The following CTNNA3 variants were observed in gnomAD, a reference collection of about 807,000 sequenced individuals.
CTNNA3 encodes the protein catenin alpha-3.
In CTNNA3, 76 loss-of-function variants were observed where a neutral mutation model predicts 95.7. The observed-to-expected ratio is 0.79, with a 90% confidence interval of 0.66 to 0.96. The LOEUF (loss-of-function observed/expected upper bound fraction) is 0.96. CTNNA3 is among the 40% of genes least tolerant of loss of function. CTNNA3 has a pLI of 0.00. For synonymous variants in CTNNA3, 431 were observed against 374.4 expected (o/e 1.15, Z -1.74); for missense variants, 1,191 against 1,089.8 (o/e 1.09, Z -1.31).
At chr10:66,017,017 A>T (rs2079107531) in intron 15 of CTNNA3, among the ~76,000 whole-genome samples, 1 of 152,114 alleles carries the variant, frequency 6.6e-6, no homozygotes, top group African/African-American at 2.4e-5. Flanking sequence ...TCAATCTAAC[A>T]ATATGGAACT....
At chr10:67,149,705 A>G (rs1342116904) in intron 7 of CTNNA3, among the ~76,000 whole-genome samples, 1 of 152,222 alleles carries the variant, frequency 6.6e-6, no homozygotes, top group South Asian at 2.1e-4. Context: ...AGTAAATGCT[A>G]GAGTCTAGAA....
chr10:67,603,198 G>A (rs1424631090), intron 3 of CTNNA3, among the ~76,000 whole-genome samples: 1 of 152,152 alleles, frequency 6.6e-6, no homozygotes, highest in Non-Finnish European at 1.5e-5. Flanking sequence ...AGATGACCTG[G>A]GCTCAGCTTT....
At chr10:67,734,107 C>T (rs1352262468) in intron 1 of CTNNA3, among the ~76,000 whole-genome samples, 1 of 152,146 alleles carries the variant, frequency 6.6e-6, no homozygotes, top group African/African-American at 2.4e-5. Flanking sequence ...CACTTATAGA[C>T]ATAAGACCTT....
intron 3 of CTNNA3, among the ~76,000 whole-genome samples, chr10:67,557,555 T>G (rs1427862624): frequency 6.6e-6 from 1 of 152,230 alleles, no homozygotes; most frequent in African/African-American, 2.4e-5. Flanking sequence ...AAATAGGTTC[T>G]GATTTTACAT....
At chr10:67,065,003 G>A (rs1488362015) in intron 7 of CTNNA3, among the ~76,000 whole-genome samples, 2 of 152,074 alleles carry the variant, frequency 1.3e-5, no homozygotes, top group African/African-American at 4.8e-5. Flanking sequence ...AATTTCCACA[G>A]CTTCCATATA....
At chr10:66,427,612 T>G (rs868305341) in intron 11 of CTNNA3, among the ~76,000 whole-genome samples, 1 of 152,072 alleles carries the variant, frequency 6.6e-6, no homozygotes, top group African/African-American at 2.4e-5. Flanking sequence ...ATTTTTGCTC[T>G]TGTAAACAGA....
intron 5 of CTNNA3, among the ~76,000 whole-genome samples, chr10:67,246,707 GGACACTTAAAGGTATGA>G (rs1865922380): frequency 6.6e-6 from 1 of 152,058 alleles, no homozygotes; most frequent in Non-Finnish European, 1.5e-5. Flanking sequence ...CAAATTCATG[GGACACTTAAAGGTATGA>G]GACATGGATC....
rs558674550 is a variant in CTNNA3, at chr10:66,429,049, C to T, written c.1532-49697G>A. On this transcript the variant is annotated intron_variant, in intron 11 of 17. Transcript: ENST00000433211. ...AAAAGAGAGAAGAATCAAATAGATG[C>T]AATAAAAAATGATAAAGGGGATATC... 3.3e-3 allele frequency among the ~76,000 whole-genome samples: 503 copies of T among 151,840 alleles called. 1 individual carries two copies. Among genetic ancestry groups the T allele is most frequent in the African/African-American group, 0.012 (482 of 41,378 alleles).
At chr10:67,315,075 A>G (rs184004603) in intron 5 of CTNNA3, among the ~76,000 whole-genome samples, 36 of 152,318 alleles carry the variant, frequency 2.4e-4, no homozygotes, top group Non-Finnish European at 2.5e-4. Context: ...CTGCTGGAGT[A>G]CACACACAGT....
At position 67,005,882 on chromosome 10, in the gene CTNNA3, C is replaced by T. The variant is rs568202296; in HGVS notation, c.1047+174435G>A. On this transcript the variant is annotated intron_variant, in intron 7 of 17. Coordinates refer to ENST00000433211, the MANE Select transcript of CTNNA3 (RefSeq NM_013266.4). ...TCTATTTTTAGTAGAGGCAGGGTAT[C>T]ACCATGTTGGCTAGGCTGGTCTCAA... Among the ~76,000 whole-genome samples the T allele has an allele frequency of 4.0e-5, 6 of 151,578 alleles. No individual in the cohort carries two copies. The South Asian group carries it at 8.4e-4, about 21-fold the overall frequency.
intron 5 of CTNNA3, among the ~76,000 whole-genome samples, chr10:67,343,292 A>T (rs1842284626): frequency 6.6e-6 from 1 of 152,148 alleles, no homozygotes; most frequent in Non-Finnish European, 1.5e-5. Flanking sequence ...TCTGTGAAGA[A>T]TGTCATTGGT....
intron 5 of CTNNA3, among the ~76,000 whole-genome samples, chr10:67,233,134 T>G (rs1021732617): frequency 6.6e-6 from 1 of 152,122 alleles, no homozygotes; most frequent in Non-Finnish European, 1.5e-5. Context: ...TATCCAGGAA[T>G]TGAACTCAGC....
intron 17 of CTNNA3, among the ~76,000 whole-genome samples, chr10:65,957,061 T>C (rs1223963454): frequency 6.6e-6 from 1 of 152,152 alleles, no homozygotes; most frequent in Non-Finnish European, 1.5e-5. Flanking sequence ...GCTTTATGAG[T>C]CTGGGTGCTT....
At chr10:66,283,717 C>A (rs935886032) in intron 12 of CTNNA3, among the ~76,000 whole-genome samples, 1 of 151,902 alleles carries the variant, frequency 6.6e-6, no homozygotes, top group Non-Finnish European at 1.5e-5. Context: ...ATGAACTATT[C>A]AAAGCTGATA....
At chr10:67,740,492 G>A (rs556345257) in intron 1 of CTNNA3, among the ~76,000 whole-genome samples, 2 of 151,312 alleles carry the variant, frequency 1.3e-5, no homozygotes, top group African/African-American at 4.8e-5. Context: ...TCAAAAGGTG[G>A]GCAAAGGACA....
intron 1 of CTNNA3, among the ~76,000 whole-genome samples, chr10:67,742,776 GA>G (rs1841349908): frequency 2.6e-5 from 4 of 151,076 alleles, no homozygotes; most frequent in Admixed American, 2.6e-4. Flanking sequence ...AGGAAGAAAA[GA>G]GAGAAGAATC....
At chr10:66,566,299 TG>T (rs888175059) in intron 10 of CTNNA3, among the ~76,000 whole-genome samples, 2 of 152,062 alleles carry the variant, frequency 1.3e-5, no homozygotes, top group African/African-American at 4.8e-5. Context: ...TGGTGACTGA[TG>T]GGGGAGTGGC....
At chr10:66,104,409 A>G (rs1262350894) in intron 13 of CTNNA3, among the ~76,000 whole-genome samples, 1 of 152,212 alleles carries the variant, frequency 6.6e-6, no homozygotes, top group Non-Finnish European at 1.5e-5. Context: ...GAATTAGCCT[A>G]GTATTTGTTT....
chr10:67,095,128 C>T (rs149790093), intron 7 of CTNNA3, among the ~76,000 whole-genome samples: 2,514 of 151,428 alleles, frequency 0.017, 60 homozygotes, highest in Non-Finnish European at 0.018. Context: ...TTTTCAAAAT[C>T]ATTTAGGTCA....
Sources: allele counts gnomAD v4.1 joint callset (sites outside exome capture counted in the v4.1 genomes callset), GRCh38; gene constraint gnomAD v4.1.1; transcripts MANE v1.5; gene names NCBI Gene and HGNC (gene_info 2026-07-23, HGNC 2026-07-21).